The following RORB variants were observed in gnomAD, a reference collection of about 807,000 sequenced individuals.
RORB encodes nuclear receptor ROR-beta.
In RORB, 6 loss-of-function variants were observed where a neutral mutation model predicts 59.1. The observed-to-expected ratio is 0.10, with a 90% confidence interval of 0.06 to 0.20. RORB has a LOEUF of 0.20. RORB is among the 10% of genes least tolerant of loss of function. RORB has a pLI of 1.00. For synonymous variants in RORB, 215 were observed against 204.5 expected (o/e 1.05, Z -0.44); for missense variants, 320 against 560.5 (o/e 0.57, Z 4.33).
intron 9 of RORB, 137 bp from the exon 10 acceptor site, chr9:74,685,326 G>A: frequency 1.5e-6 from 1 of 688,268 alleles, no homozygotes; most frequent in East Asian, 2.7e-5. Context: ...AAAGCTGAAA[G>A]TGCGCCTTCT....
chr9:74,531,924 T>C (rs901319847), intron 1 of RORB, among the ~76,000 whole-genome samples: 4 of 151,958 alleles, frequency 2.6e-5, no homozygotes, highest in Non-Finnish European at 4.4e-5. Context: ...ATCATTGCCA[T>C]TTAAAGTTAC....
chr9:74,583,190 A>C (rs1349501563), intron 1 of RORB, among the ~76,000 whole-genome samples: 1 of 152,122 alleles, frequency 6.6e-6, no homozygotes, highest in Admixed American at 6.5e-5. Flanking sequence ...GGCTCATGTA[A>C]GTGTTTCTTT....
intron 1 of RORB, among the ~76,000 whole-genome samples, chr9:74,584,130 G>C (rs772909870): frequency 6.6e-6 from 1 of 152,192 alleles, no homozygotes; most frequent in African/African-American, 2.4e-5. Context: ...TTAATATCAT[G>C]AAATAGGCTA....
chr9:74,644,687 C>A (rs1237662731), intron 4 of RORB, among the ~76,000 whole-genome samples: 2 of 152,194 alleles, frequency 1.3e-5, no homozygotes, highest in African/African-American at 4.8e-5. Context: ...ATTTATACTA[C>A]TTAATATCTA....
At chr9:74,669,656 C>A (rs1824319159) in intron 8 of RORB, among the ~76,000 whole-genome samples, 2 of 152,124 alleles carry the variant, frequency 1.3e-5, no homozygotes, top group South Asian at 4.1e-4. Context: ...AACAGCATCA[C>A]TGACAGGTCT....
At chr9:74,641,205 C>T (rs529429287) in intron 3 of RORB, among the ~76,000 whole-genome samples, 7 of 148,702 alleles carry the variant, frequency 4.7e-5, no homozygotes, top group African/African-American at 1.7e-4. Context: ...AGGCCTGTGA[C>T]TCAGGATGTT....
At chr9:74,626,702 G>A (rs545699085) in intron 1 of RORB, among the ~76,000 whole-genome samples, 4 of 152,264 alleles carry the variant, frequency 2.6e-5, no homozygotes, top group South Asian at 2.1e-4. Context: ...GTTGGAAACC[G>A]TAGTCAACAG....
chr9:74,665,914 C>T lies in RORB; in HGVS notation c.1000+319C>T, dbSNP rs150326234. Among the ~76,000 whole-genome samples, 940 of 152,192 alleles carry T rather than the reference C, an allele frequency of 6.2e-3. 14 individuals carry two copies. Among genetic ancestry groups the T allele is most frequent in the Admixed American group, 0.045 (690 of 15,258 alleles). ...CCTAGAACTTTGGGAGGCCAAGGGG[C>T]GCAGATCACTTGAGCCCCAGAGTTC... is the stretch of plus-strand genomic sequence containing the variant. On this transcript the variant is annotated intron_variant, in intron 7 of 9. Transcript: ENST00000376896.
chr9:74,540,322 C>T (rs538661774), intron 1 of RORB, among the ~76,000 whole-genome samples: 13 of 152,276 alleles, frequency 8.5e-5, no homozygotes, highest in Admixed American at 5.9e-4. Flanking sequence ...CATCCTTCCA[C>T]GTCATAGCTG....
intron 9 of RORB, among the ~76,000 whole-genome samples, chr9:74,680,333 C>A (rs1824527157): frequency 6.6e-6 from 1 of 152,154 alleles, no homozygotes. Context: ...CTACTTCATT[C>A]TTCTCCCTCT....
chr9:74,622,519 ATTTTTTTTTTTT>A (rs33946613), intron 1 of RORB, among the ~76,000 whole-genome samples: 2 of 74,142 alleles, frequency 2.7e-5, no homozygotes, highest in East Asian at 4.5e-4. Flanking sequence ...TACAACCCAG[ATTTTTTTTTTTT>A]TTTTTTTTTT....
At chr9:74,520,729 T>C (rs1487045656) in intron 1 of RORB, among the ~76,000 whole-genome samples, 1 of 151,930 alleles carries the variant, frequency 6.6e-6, no homozygotes, top group East Asian at 1.9e-4. Context: ...TTTATATTTC[T>C]GGGCCTGGCT....
intron 1 of RORB, among the ~76,000 whole-genome samples, chr9:74,559,976 T>C (rs975117954): frequency 8.5e-5 from 13 of 152,166 alleles, no homozygotes; most frequent in Admixed American, 7.2e-4. Flanking sequence ...TTGCAAAATG[T>C]CATTTGAATG....
chr9:74,604,691 C>A (rs1246933074), intron 1 of RORB, among the ~76,000 whole-genome samples: 2 of 152,118 alleles, frequency 1.3e-5, no homozygotes, highest in Non-Finnish European at 2.9e-5. Context: ...CAATTTTTAT[C>A]TCAGCCCAGG....
Position 74,642,185 on chromosome 9 carries a change from T to C in RORB, c.236-229T>C, listed in dbSNP as rs529489272. On this transcript the variant is annotated intron_variant, in intron 3 of 9. Coordinates refer to ENST00000376896, the MANE Select transcript of RORB (RefSeq NM_006914.4). ...ATACATACATAAGTTTTTATATTTC[T>C]TCCTGGCTTAGATTTATTTCTCACT... Among the ~76,000 whole-genome samples, 3 of 152,320 alleles carry C rather than the reference T, an allele frequency of 2.0e-5. No individual in the cohort carries two copies. The East Asian group carries it at 5.8e-4, about 29-fold the overall frequency.
chr9:74,660,858 T>C (rs1824169714), intron 5 of RORB, 120 bp downstream of exon 5: 1 of 998,232 alleles, frequency 1.0e-6, no homozygotes, highest in Non-Finnish European at 1.5e-6. Flanking sequence ...TCCTGCAAAT[T>C]GTTCGATACT....
rs191122059 is a variant in RORB, at chr9:74,667,272, C to T, written c.1001-519C>T. 6.5e-3 allele frequency among the ~76,000 whole-genome samples: 994 copies of T among 152,252 alleles called. 4 individuals carry two copies. The highest frequency in any genetic ancestry group is 0.01 in the Non-Finnish European group (695 of 68,012). On this transcript the variant is annotated intron_variant, in intron 7 of 9. Transcript: ENST00000376896. ...CTCAGTGAAATTTCCAAGGAAATTG[C>T]GAAACTGAAGTGCATCTCATCTCTG... is the stretch of plus-strand genomic sequence containing the variant.
chr9:74,588,227 T>C (rs967753555), intron 1 of RORB, among the ~76,000 whole-genome samples: 6 of 152,192 alleles, frequency 3.9e-5, no homozygotes, highest in Non-Finnish European at 4.4e-5. Context: ...AGTCTCTCAC[T>C]CTCAGTGAGA....
chr9:74,527,537 G>T (rs550593947), intron 1 of RORB, among the ~76,000 whole-genome samples: 1 of 152,154 alleles, frequency 6.6e-6, no homozygotes, highest in South Asian at 2.1e-4. Flanking sequence ...AGGATGCATT[G>T]CAGGGAATTT....
Sources: allele counts gnomAD v4.1 joint callset (sites outside exome capture counted in the v4.1 genomes callset), GRCh38; gene constraint gnomAD v4.1.1; transcripts MANE v1.5; gene names NCBI Gene and HGNC (gene_info 2026-07-23, HGNC 2026-07-21).